The following RBM20 variants were observed in gnomAD, a reference collection of about 807,000 sequenced individuals.
RBM20 encodes RNA-binding protein 20.
A neutral mutation model predicts 110.1 loss-of-function variants in RBM20; 51 were observed. The observed-to-expected ratio is 0.46, with a 90% CI of 0.37 to 0.59. The LOEUF is 0.59. Among genes scored for constraint, RBM20 ranks in the 20% least tolerant of loss-of-function variants. RBM20 has a pLI of 0.00. For missense variants in RBM20, 1,512 were observed against 1,574.9 expected (o/e 0.96, Z 0.68); for synonymous variants, 589 against 618.2 (o/e 0.95, Z 0.70).
rs931289509 is a variant in RBM20 at position 110,644,692 on chromosome 10, C to T, written c.191+47C>T. The T allele has an allele frequency of 2.2e-6, 3 of 1,346,424 alleles. No homozygotes were observed. Among genetic ancestry groups the T allele is most frequent in the African/African-American group, 3.1e-5 (2 of 65,532 alleles). The allele number at this position is 1,346,424 out of a possible 1,614,324, so 83.4% of individuals were successfully genotyped here. Reference sequence around the variant, plus strand: ...GGGACCACGGGTGCGCCTGGGGACACGCCCCGAGAGCCCCCTTTGTGGCTT... The same window carrying T: ...GGGACCACGGGTGCGCCTGGGGACATGCCCCGAGAGCCCCCTTTGTGGCTT... On this transcript the variant is annotated intron_variant, in intron 1 of 13. Coordinates refer to ENST00000369519, the MANE Select transcript of RBM20 (RefSeq NM_001134363.3). The surrounding 1 kb of genome is among the most constrained non-coding windows in gnomAD (Gnocchi z 4.3).
intron 5 of RBM20, among the ~76,000 whole-genome samples, chr10:110,795,463 A>T (rs1203470002): frequency 6.6e-6 from 1 of 152,160 alleles, no homozygotes; most frequent in Non-Finnish European, 1.5e-5. Context: ...GGCTTCAACA[A>T]TTCAGGGCTG....
chr10:110,780,941 C>G lies in RBM20; in HGVS notation c.332C>G (p.Thr111Ser). Residue 111 changes from threonine to serine, a missense_variant, in exon 2 of 14, where the codon ACC becomes AGC. Thr to Ser is a moderately conservative substitution (Grantham distance 58). Transcript: ENST00000369519. ...HRLKLAQTAVTNNTAAATVLN... is the reference protein window; with the variant it reads ...HRLKLAQTAVSNNTAAATVLN... ...CTGAAGCTGGCACAGACAGCTGTCA[C>G]CAACAACACTGCAGCCGCCACAGTC... The G allele has an allele frequency of 6.4e-7, 1 of 1,551,724 alleles. No homozygotes were observed. The highest frequency in any genetic ancestry group is 8.7e-7 in the Non-Finnish European group (1 of 1,146,998).
Position 110,780,866 on chromosome 10 carries a change from C to T in RBM20, c.257C>T (p.Pro86Leu), listed in dbSNP as rs1564843645. ...AACCCGAACCCTCTGCTTCCTTCAC[C>T]TGCCAGTCTCCAGCTGGCTCAACTG... ...VSNPNPLLPS[P>L]ASLQLAQLQA... Residue 86 changes from proline (P) to leucine (L), a missense_variant, in exon 2 of 14, where the codon CCT (proline) becomes CTT (leucine). By Grantham distance (98) the Pro-to-Leu change is moderately conservative. Coordinates refer to ENST00000369519, the MANE Select transcript of RBM20 (RefSeq NM_001134363.3). 6.5e-6 allele frequency: 10 copies of T among 1,550,026 alleles called. No homozygotes were observed. The highest frequency in any genetic ancestry group is 7.0e-6 in the Non-Finnish European group (8 of 1,145,496).
chr10:110,678,163 T>C (rs1026554859), intron 1 of RBM20, among the ~76,000 whole-genome samples: 64 of 152,242 alleles, frequency 4.2e-4, no homozygotes, highest in African/African-American at 1.4e-3. Flanking sequence ...ATCTTTCTTA[T>C]AGACAATGTG....
rs544806282 is a variant in RBM20, at chr10:110,778,652, T to G, written c.192-2149T>G. On this transcript the variant is annotated intron_variant, in intron 1 of 13. Transcript: ENST00000369519. ...AATTTCCAGTTTTCCAGTCCCCTTC[T>G]TCCCATTCAAATGTCCCAGAATTCC... Among the ~76,000 whole-genome samples the G allele has an allele frequency of 3.0e-3, 456 of 152,358 alleles. 4 individuals carry two copies. Among genetic ancestry groups the G allele is most frequent in the Non-Finnish European group, 4.6e-3 (315 of 68,032 alleles).
chr10:110,818,522 G>C (rs1844870841), intron 9 of RBM20, among the ~76,000 whole-genome samples: 1 of 152,222 alleles, frequency 6.6e-6, no homozygotes, highest in African/African-American at 2.4e-5. Context: ...TGGGCAGCTG[G>C]GGGCACCCGT....
intron 1 of RBM20, among the ~76,000 whole-genome samples, chr10:110,749,203 G>GGAA (rs1451509642): frequency 1.3e-5 from 2 of 152,180 alleles, no homozygotes; most frequent in Non-Finnish European, 2.9e-5. Context: ...GCACAAGGAT[G>GGAA]GAAAGTAAGA....
At chr10:110,720,672 C>G (rs992760835) in intron 1 of RBM20, among the ~76,000 whole-genome samples, 2 of 88,652 alleles carry the variant, frequency 2.3e-5, no homozygotes, top group Non-Finnish European at 4.3e-5. Flanking sequence ...TCTCCTAACC[C>G]TCATCCTTGC....
At position 110,797,629 on chromosome 10, in the gene RBM20, T is replaced by G; in HGVS notation, c.1649T>G (p.Leu550Arg). ...LPFGKVTNYI[L>R]MKSTNQAFLE... Reference sequence around the variant, plus strand: ...TTTGGAAAGGTCACTAATTACATCCTCATGAAGTCGACTAATCAGGTAGGT... The same window carrying G: ...TTTGGAAAGGTCACTAATTACATCCGCATGAAGTCGACTAATCAGGTAGGT... Residue 550 changes from leucine to arginine, a missense_variant, in exon 6 of 14, where the codon CTC becomes CGC. By Grantham distance (102) the Leu-to-Arg change is moderately radical (BLOSUM62 -2). Transcript: ENST00000369519. 1 of 1,551,770 alleles carries G rather than the reference T, an allele frequency of 6.4e-7. No homozygotes were observed. Among genetic ancestry groups the G allele is most frequent in the Non-Finnish European group, 8.7e-7 (1 of 1,147,006 alleles).
chr10:110,770,227 C>T (rs1844169256), intron 1 of RBM20, among the ~76,000 whole-genome samples: 1 of 152,116 alleles, frequency 6.6e-6, no homozygotes, highest in Non-Finnish European at 1.5e-5. Context: ...AAGTTCTCCT[C>T]TCCGGGTGCC....
intron 1 of RBM20, among the ~76,000 whole-genome samples, chr10:110,699,672 C>A (rs11195272): frequency 2.6e-5 from 4 of 151,946 alleles, no homozygotes; most frequent in Admixed American, 1.3e-4. Context: ...ATACGGTGGT[C>A]CCCCCTTATC....
At chr10:110,657,629 C>T (rs1215576000) in intron 1 of RBM20, among the ~76,000 whole-genome samples, 1 of 152,134 alleles carries the variant, frequency 6.6e-6, no homozygotes. Context: ...TTTTGAGGTT[C>T]ATCTATGTTG....
At chr10:110,679,510 C>T (rs546279155) in intron 1 of RBM20, among the ~76,000 whole-genome samples, 13 of 152,190 alleles carry the variant, frequency 8.5e-5, no homozygotes, top group African/African-American at 3.1e-4. Flanking sequence ...CATGAGCCAC[C>T]GTGCCCAGCC....
Position 110,663,433 on chromosome 10 carries a change from G to A in RBM20, c.191+18788G>A, listed in dbSNP as rs568695037. 1.1e-4 allele frequency among the ~76,000 whole-genome samples: 17 copies of A among 152,266 alleles called. No individual in the cohort carries two copies. The South Asian group carries it at 1.9e-3, about 17-fold the overall frequency. ...TGAAAAAGCAGAGTGCAGAAAAAGC[G>A]GATGGCATGCTATCTATTATTTAAG... On this transcript the variant is annotated intron_variant, in intron 1 of 13. Transcript: ENST00000369519.
intron 1 of RBM20, among the ~76,000 whole-genome samples, chr10:110,702,651 C>T (rs145376013): frequency 2.0e-4 from 31 of 152,302 alleles, no homozygotes; most frequent in African/African-American, 6.7e-4. Flanking sequence ...GAACTGCTGT[C>T]GGAATTCAGG....
intron 1 of RBM20, among the ~76,000 whole-genome samples, chr10:110,690,549 C>T (rs1862572257): frequency 6.6e-6 from 1 of 152,184 alleles, no homozygotes; most frequent in Non-Finnish European, 1.5e-5. Context: ...TCCCCATGTC[C>T]CTCTTCCCCC....
At chr10:110,767,829 C>A (rs1844126956) in intron 1 of RBM20, among the ~76,000 whole-genome samples, 1 of 152,216 alleles carries the variant, frequency 6.6e-6, no homozygotes, top group African/African-American at 2.4e-5. Flanking sequence ...GGCAGAGACG[C>A]TCCTCACTTT....
At chr10:110,786,784 G>A (rs1179008760) in intron 5 of RBM20, among the ~76,000 whole-genome samples, 2 of 152,250 alleles carry the variant, frequency 1.3e-5, no homozygotes, top group Non-Finnish European at 1.5e-5. Flanking sequence ...CCCACTCCAG[G>A]CACTGAAGGG....
intron 10 of RBM20, among the ~76,000 whole-genome samples, chr10:110,820,401 A>T (rs1844893883): frequency 6.6e-6 from 1 of 152,066 alleles, no homozygotes; most frequent in African/African-American, 2.4e-5. Context: ...GGCTCTGCTC[A>T]CTCTCCAGCA....
Sources: gnomAD v4.1 joint callset for allele counts (sites outside exome capture counted in the v4.1 genomes callset) on GRCh38, gnomAD v4.1.1 for gene constraint, Gnocchi (gnomAD v3.1) non-coding constraint, MANE v1.5 for transcripts, NCBI Gene and HGNC (gene_info 2026-07-23, HGNC 2026-07-21) for gene names.